The following CHD9 variants were observed in gnomAD, a reference collection of about 807,000 sequenced individuals.
The protein encoded by CHD9 is ATP-dependent chromatin remodeler CHD9.
A neutral mutation model predicts 316.1 loss-of-function variants in CHD9; 77 were observed. The observed-to-expected ratio is 0.24, with a 90% CI of 0.20 to 0.29. The LOEUF is 0.29. CHD9 is among the 10% of genes least tolerant of loss of function. The probability of loss-of-function intolerance (pLI) is 1.00; values close to 1 mark genes in which losing one functional copy is unlikely to be tolerated. For missense variants in CHD9, 2,763 were observed against 3,438.1 expected, an observed-to-expected ratio of 0.80 and a Z score of 4.91; for synonymous variants, 1,129 against 1,158.3, an observed-to-expected ratio of 0.97 and a Z score of 0.51.
intron 1 of CHD9, among the ~76,000 whole-genome samples, chr16:53,068,585 TCTC>T: frequency 6.6e-6 from 1 of 152,254 alleles, no homozygotes. Context: ...AGAAGTCCTC[TCTC>T]CTCCTGGGAA....
At chr16:53,066,204 T>C (rs1339613914) in intron 1 of CHD9, among the ~76,000 whole-genome samples, 2 of 152,142 alleles carry the variant, frequency 1.3e-5, no homozygotes, top group African/African-American at 4.8e-5. Flanking sequence ...TCTGCTGAAA[T>C]ATAGAATCGG....
At chr16:53,189,419 GTTT>G (rs2044302702) in intron 2 of CHD9, among the ~76,000 whole-genome samples, 1 of 151,790 alleles carries the variant, frequency 6.6e-6, no homozygotes, top group Non-Finnish European at 1.5e-5. Flanking sequence ...ATCGCATTTA[GTTT>G]TTATTTGTGA....
intron 32 of CHD9, among the ~76,000 whole-genome samples, 183 bp downstream of exon 32, chr16:53,306,580 G>A (rs2055996261): frequency 6.6e-6 from 1 of 152,150 alleles, no homozygotes; most frequent in South Asian, 2.1e-4. Flanking sequence ...TAATGTGTAT[G>A]CTTCTCAACA....
intron 19 of CHD9, among the ~76,000 whole-genome samples, chr16:53,258,663 A>C (rs2050810758): frequency 6.6e-6 from 1 of 152,172 alleles, no homozygotes; most frequent in Non-Finnish European, 1.5e-5. Flanking sequence ...GTATTTAATA[A>C]GGAGCTACAT....
rs2053810840 is a variant in CHD9 at position 53,285,675 on chromosome 16, C to T, written c.5047C>T (p.Leu1683Phe). ...EWWDFDADKS[L>F]LIGVFKHGYE... ...GTGGGATTTTGATGCTGATAAGTCA[C>T]TCCTTATTGGAGTTTTTAAACATGG... Residue 1683 changes from leucine (L) to phenylalanine (F), a missense_variant, in exon 25 of 39, where the codon CTC becomes TTC. Around this residue, in one of 15 missense-constraint regions of CHD9, gnomAD observed 5 missense variants for 26.6 expected, o/e 0.19. Coordinates refer to ENST00000447540, the MANE Select transcript of CHD9 (RefSeq NM_001308319.2). 6.2e-7 allele frequency: 1 copy of T among 1,607,222 alleles called. No individual in the cohort carries two copies. The highest frequency in any genetic ancestry group is 1.3e-5 in the African/African-American group (1 of 74,662).
At chr16:53,086,984 C>A (rs1420816883) in intron 1 of CHD9, among the ~76,000 whole-genome samples, 1 of 152,148 alleles carries the variant, frequency 6.6e-6, no homozygotes, top group African/African-American at 2.4e-5. Flanking sequence ...GGGGCCACAC[C>A]TCCTATCCCC....
At chr16:53,112,472 T>C (rs2037939586) in intron 1 of CHD9, among the ~76,000 whole-genome samples, 1 of 152,218 alleles carries the variant, frequency 6.6e-6, no homozygotes, top group African/African-American at 2.4e-5. Context: ...TACCTGTTGT[T>C]CTAAGTGTAA....
rs557023762 is a variant in CHD9 at position 53,058,502 on chromosome 16, G to A, written c.-165+3425G>A. ...GCAGAAGGTGGGGTTAGAAAAAGAT[G>A]TTTCTGGCAGAAAGGTCAGCATGTA... On this transcript the variant is annotated intron_variant, in intron 1 of 38. Transcript: ENST00000447540. 9.8e-5 allele frequency among the ~76,000 whole-genome samples: 15 copies of A among 152,326 alleles called. No individual in the cohort carries two copies. In the South Asian group the frequency reaches 3.1e-3, roughly 32 times the overall value.
At position 53,128,552 on chromosome 16, in the gene CHD9, G is replaced by A. The variant is rs371075213; in HGVS notation, c.-164-27374G>A. Among the ~76,000 whole-genome samples, 17 of 152,160 alleles carry A rather than the reference G, an allele frequency of 1.1e-4. No individual in the cohort carries two copies. The East Asian group carries it at 1.9e-3, about 17-fold the overall frequency. On this transcript the variant is annotated intron_variant, in intron 1 of 38. Coordinates refer to ENST00000447540, the MANE Select transcript of CHD9 (RefSeq NM_001308319.2). ...AGAGTGTGGCCACCGCTTGGCTTTAGACAGCCCATTGCCTGGTGGAAATGG... is the reference window on the plus strand; with the variant it reads ...AGAGTGTGGCCACCGCTTGGCTTTAAACAGCCCATTGCCTGGTGGAAATGG...
intron 1 of CHD9, among the ~76,000 whole-genome samples, chr16:53,128,184 A>AT (rs11289019): frequency 1.7e-4 from 25 of 148,854 alleles, no homozygotes; most frequent in Admixed American, 6.0e-4. Context: ...GAATGGAGAC[A>AT]TTTTTTTTTT....
At chr16:53,130,206 C>CA (rs1173197409) in intron 1 of CHD9, among the ~76,000 whole-genome samples, 2 of 152,040 alleles carry the variant, frequency 1.3e-5, no homozygotes, top group East Asian at 3.9e-4. Flanking sequence ...CAGGTGCTGG[C>CA]ACCTGGGCTC....
chr16:53,058,553 G>T (rs1350990422), intron 1 of CHD9, among the ~76,000 whole-genome samples: 1 of 152,226 alleles, frequency 6.6e-6, no homozygotes, highest in Non-Finnish European at 1.5e-5. Flanking sequence ...GCTTGGCAAG[G>T]CCAGGGGACT....
intron 12 of CHD9, among the ~76,000 whole-genome samples, chr16:53,239,739 GA>G (rs1262092068): frequency 2.0e-5 from 3 of 152,018 alleles, no homozygotes; most frequent in Non-Finnish European, 4.4e-5. Flanking sequence ...CTACCTGTTT[GA>G]GCCCAAGAGT....
At chr16:53,091,121 G>A (rs73594466) in intron 1 of CHD9, among the ~76,000 whole-genome samples, 8 of 151,980 alleles carry the variant, frequency 5.3e-5, no homozygotes, top group Non-Finnish European at 1.0e-4. Flanking sequence ...GCTGGTTGGC[G>A]CTGACTCCAT....
At chr16:53,092,869 C>G (rs2036068860) in intron 1 of CHD9, among the ~76,000 whole-genome samples, 1 of 152,162 alleles carries the variant, frequency 6.6e-6, no homozygotes, top group African/African-American at 2.4e-5. Flanking sequence ...GCCTCAATCT[C>G]TCAACCTTAA....
chr16:53,217,144 C>T (rs894103696), intron 3 of CHD9, among the ~76,000 whole-genome samples: 1 of 152,140 alleles, frequency 6.6e-6, no homozygotes, highest in African/African-American at 2.4e-5. Context: ...AGGATAGCTC[C>T]TCAGACTTTT....
chr16:53,134,496 AC>A (rs1183847195), intron 1 of CHD9, among the ~76,000 whole-genome samples: 1 of 152,124 alleles, frequency 6.6e-6, no homozygotes, highest in Non-Finnish European at 1.5e-5. Flanking sequence ...TTGGAATTTT[AC>A]CAGTCTGTGA....
intron 1 of CHD9, among the ~76,000 whole-genome samples, chr16:53,125,016 C>G (rs142231576): frequency 3.8e-4 from 58 of 152,262 alleles, no homozygotes; most frequent in East Asian, 2.3e-3. Flanking sequence ...TCTCTAACAA[C>G]TAATGTGTTG....
At chr16:53,068,589 C>T (rs956225798) in intron 1 of CHD9, among the ~76,000 whole-genome samples, 2 of 152,182 alleles carry the variant, frequency 1.3e-5, no homozygotes, top group African/African-American at 4.8e-5. Context: ...GTCCTCTCTC[C>T]TCCTGGGAAC....
Sources: gnomAD v4.1 joint callset for allele counts (sites outside exome capture counted in the v4.1 genomes callset) on GRCh38, gnomAD v4.1.1 for gene constraint, gnomAD v4.1.1 regional missense constraint, MANE v1.5 for transcripts, NCBI Gene and HGNC (gene_info 2026-07-23, HGNC 2026-07-21) for gene names.